KAT6A: variants seen among roughly 807,000 people sequenced by gnomAD.
KAT6A encodes the protein lysine acetyltransferase 6A.
In KAT6A, 9 loss-of-function variants were observed where a neutral mutation model predicts 198.4. The observed-to-expected ratio is 0.05, with a 90% confidence interval of 0.03 to 0.08. The LOEUF is 0.08. KAT6A is among the 10% of genes least tolerant of loss of function. KAT6A has a pLI of 1.00. For synonymous variants in KAT6A, 890 were observed against 883.0 expected (o/e 1.01, Z -0.14); for missense variants, 2,077 against 2,509.9 (o/e 0.83, Z 3.69).
At chr8:42,019,418 G>T (rs1381206038) in intron 2 of KAT6A, among the ~76,000 whole-genome samples, 1 of 152,114 alleles carries the variant, frequency 6.6e-6, no homozygotes, top group Admixed American at 6.5e-5. Flanking sequence ...TTAGTAAACT[G>T]CACTGCAGGC....
intron 2 of KAT6A, among the ~76,000 whole-genome samples, chr8:42,021,535 T>G (rs1056439705): frequency 6.6e-6 from 1 of 152,170 alleles, no homozygotes; most frequent in African/African-American, 2.4e-5. Context: ...ATTAAGTAAT[T>G]TAAAGATCAA....
rs142223557 is a variant in KAT6A, at chr8:41,981,968, G to C, written c.710-14C>G. 1.5e-4 allele frequency: 206 copies of C among 1,416,672 alleles called. 1 individual carries two copies. In the African/African-American group the frequency reaches 2.6e-3, roughly 18 times the overall value. 87.8% of individuals were successfully genotyped at this position (1,416,672 alleles called of 1,614,324 possible). On this transcript the variant is annotated splice_polypyrimidine_tract_variant and intron_variant, in intron 3 of 16. Transcript: ENST00000265713. ...AGGATGGATGGCCTAATACGAGGGAGAACATTCATGAATGAAACAATCAAG... is the reference window on the plus strand; with the variant it reads ...AGGATGGATGGCCTAATACGAGGGACAACATTCATGAATGAAACAATCAAG...
rs1821511796 is a variant in KAT6A, at chr8:41,930,935, T to C, written c.*1270A>G. 4.8e-6 allele frequency: 1 copy of C among 209,516 alleles called. No homozygotes were observed. Among genetic ancestry groups the C allele is most frequent in the South Asian group, 1.9e-4 (1 of 5,296 alleles). The allele number at this position is 209,516 out of a possible 1,614,324, so 13.0% of individuals were successfully genotyped here. A position where few individuals can be genotyped will look rare whatever the true frequency, so the allele number is the denominator to read the frequency against. On this transcript the variant is annotated 3_prime_UTR_variant, in exon 17 of 17. Coordinates refer to ENST00000265713, the MANE Select transcript of KAT6A (RefSeq NM_006766.5). ...ATTAGCCACTCACAGGAGAGGTGCT[T>C]GTGCACTCTGATTCACAGGGGATGA...
At chr8:41,991,920 C>A (rs1824966213) in intron 2 of KAT6A, among the ~76,000 whole-genome samples, 1 of 151,998 alleles carries the variant, frequency 6.6e-6, no homozygotes, top group Admixed American at 6.5e-5. Context: ...TAAGAGAAAA[C>A]AGAAACAAAA....
intron 2 of KAT6A, among the ~76,000 whole-genome samples, chr8:42,040,273 G>C (rs1416966031): frequency 6.6e-6 from 1 of 151,990 alleles, no homozygotes; most frequent in African/African-American, 2.4e-5. Context: ...ACAGAGCAAA[G>C]AAAAAACGAG....
At chr8:42,017,188 G>A (rs1322703667) in intron 2 of KAT6A, among the ~76,000 whole-genome samples, 1 of 152,280 alleles carries the variant, frequency 6.6e-6, no homozygotes, top group East Asian at 1.9e-4. Context: ...AATTTAAAGG[G>A]TTACTGAATG....
chr8:42,041,305 C>G (rs1564084104), intron 2 of KAT6A, among the ~76,000 whole-genome samples: 1 of 151,930 alleles, frequency 6.6e-6, no homozygotes, highest in Admixed American at 6.6e-5. Context: ...AATAAATCTG[C>G]TAAGACAAAA....
At chr8:41,992,142 G>A (rs1310446240) in intron 2 of KAT6A, among the ~76,000 whole-genome samples, 1 of 151,660 alleles carries the variant, frequency 6.6e-6, no homozygotes, top group Non-Finnish European at 1.5e-5. Context: ...TCAAGGCTGC[G>A]GTGAGCCATG....
Position 41,932,701 on chromosome 8 carries a change from G to T in KAT6A, c.5519C>A (p.Pro1840His), listed in dbSNP as rs1233833631. The T allele has an allele frequency of 6.2e-7, 1 of 1,614,250 alleles. No homozygotes were observed. Among genetic ancestry groups the T allele is most frequent in the South Asian group, 1.1e-5 (1 of 91,088 alleles). The change falls in exon 17 of 17, where the codon CCT (proline) becomes CAT (histidine). Residue 1840 changes from proline to histidine, a missense_variant. Physicochemically the swap from Pro to His is moderately conservative, Grantham distance 77. Around this residue, in one of 13 missense-constraint regions of KAT6A, gnomAD observed 500 missense variants for 577.2 expected, o/e 0.87. Transcript: ENST00000265713. The stretch of plus-strand genomic sequence containing the variant: ...TTGCCCTTGCAATCTCTGCGTGTGA[G>T]GAATGCCAATGTTGGTGGCAGACAT... ...CNMSATNIGI[P>H]HTQRLQGQMP...
intron 8 of KAT6A, among the ~76,000 whole-genome samples, chr8:41,970,221 T>C (rs1030059359): frequency 5.9e-5 from 9 of 152,134 alleles, no homozygotes; most frequent in African/African-American, 1.7e-4. Context: ...CATGGAGAAA[T>C]AGCACCATCA....
At chr8:42,049,588 T>C (rs1281017175) in intron 1 of KAT6A, 1 of 153,328 alleles carries the variant, frequency 6.5e-6, no homozygotes, top group Non-Finnish European at 1.5e-5. Flanking sequence ...GAGTGGGTGA[T>C]GGCTATTCTG....
intron 2 of KAT6A, among the ~76,000 whole-genome samples, chr8:42,022,424 T>G (rs1212786837): frequency 6.6e-6 from 1 of 152,164 alleles, no homozygotes; most frequent in Non-Finnish European, 1.5e-5. Flanking sequence ...ACATTTTTTT[T>G]GGAAAATCAG....
chr8:42,051,334 C>A (rs1008574291), intron 1 of KAT6A, among the ~76,000 whole-genome samples: 1 of 151,842 alleles, frequency 6.6e-6, no homozygotes, highest in Non-Finnish European at 1.5e-5. Context: ...GCCGGCCTGT[C>A]AGCCCCGCTC....
chr8:42,033,820 A>C (rs1162112600), intron 2 of KAT6A, among the ~76,000 whole-genome samples: 1 of 152,232 alleles, frequency 6.6e-6, no homozygotes, highest in Admixed American at 6.5e-5. Flanking sequence ...AAAACAGTTA[A>C]AAATTTTTTA....
chr8:41,985,095 G>C (rs1397266809), intron 3 of KAT6A, among the ~76,000 whole-genome samples: 2 of 151,956 alleles, frequency 1.3e-5, no homozygotes, highest in Non-Finnish European at 2.9e-5. Context: ...CGGCAGGGCT[G>C]CAGACACAAC....
At chr8:42,015,448 CATA>C (rs1284352203) in intron 2 of KAT6A, among the ~76,000 whole-genome samples, 8 of 152,210 alleles carry the variant, frequency 5.3e-5, no homozygotes, top group African/African-American at 1.9e-4. Flanking sequence ...TACTGCCACT[CATA>C]AAACAGCATT....
In KAT6A at chr8:41,964,002, CAA is replaced by C. The variant is rs1823336046; in HGVS notation, c.1483-8593_1483-8592del. On this transcript the variant is annotated intron_variant, in intron 8 of 16. Transcript: ENST00000265713. ...CCCTACACAAATGTCACCTCCTCTA[CAA>C]AGACTTAAAATTTTAGTTAACCACA... 2.0e-5 allele frequency among the ~76,000 whole-genome samples: 3 copies of C among 152,104 alleles called. 1 individual carries two copies. The highest frequency in any genetic ancestry group is 1.9e-4 in the East Asian group (1 of 5,204).
rs544659415 is a variant in KAT6A, at chr8:42,049,200, A to G, written c.-223T>C. ...GATTGAAATGTCTTCCAACTTCCCA[A>G]TGAATTTCTCAATAGCACCACACAT... On this transcript the variant is annotated 5_prime_UTR_variant, in exon 2 of 17. Coordinates refer to ENST00000265713, the MANE Select transcript of KAT6A (RefSeq NM_006766.5). 114 of 512,636 alleles carry G rather than the reference A, an allele frequency of 2.2e-4. No homozygotes were observed. The highest frequency in any genetic ancestry group is 3.1e-4 in the Non-Finnish European group (91 of 292,406). 31.8% of individuals were successfully genotyped at this position (512,636 alleles called of 1,614,324 possible). A position where few individuals can be genotyped will look rare whatever the true frequency, so the allele number is the denominator to read the frequency against.
chr8:41,953,712 G>A (rs181405548), intron 9 of KAT6A, among the ~76,000 whole-genome samples: 11 of 152,190 alleles, frequency 7.2e-5, no homozygotes, highest in East Asian at 1.9e-4. Context: ...GACCTCAGGC[G>A]ATCTGCCTAT....
Sources: gnomAD v4.1 joint callset for allele counts (sites outside exome capture counted in the v4.1 genomes callset) on GRCh38, gnomAD v4.1.1 for gene constraint, gnomAD v4.1.1 regional missense constraint, MANE v1.5 for transcripts, NCBI Gene and HGNC (gene_info 2026-07-23, HGNC 2026-07-21) for gene names.